SGCZ: variants seen among roughly 807,000 people sequenced by gnomAD.
SGCZ encodes zeta-sarcoglycan.
In SGCZ, 40 loss-of-function variants were observed where a neutral mutation model predicts 41.3. The observed-to-expected ratio is 0.97, with a 90% CI of 0.75 to 1.26. The LOEUF is 1.26. Ranked by LOEUF, SGCZ falls within the 50% of genes most tolerant of loss-of-function variation. The probability of loss-of-function intolerance (pLI) is 0.00; values close to 1 mark genes in which losing one functional copy is unlikely to be tolerated. For synonymous variants in SGCZ, 206 were observed against 137.5 expected, an observed-to-expected ratio of 1.50 and a Z score of -3.49; for missense variants, 552 against 369.8, an observed-to-expected ratio of 1.49 and a Z score of -4.04.
At chr8:14,323,431 CA>C (rs1801996204) in intron 3 of SGCZ, among the ~76,000 whole-genome samples, 1 of 151,926 alleles carries the variant, frequency 6.6e-6, no homozygotes, top group Non-Finnish European at 1.5e-5. Context: ...AAAAATATCT[CA>C]GGGGGAATGT....
intron 3 of SGCZ, among the ~76,000 whole-genome samples, chr8:14,270,815 T>A (rs886098684): frequency 6.6e-6 from 1 of 152,132 alleles, no homozygotes; most frequent in East Asian, 1.9e-4. Flanking sequence ...AACAATGATA[T>A]AGACTGGATT....
chr8:15,213,779 A>C (rs1801311956), intron 1 of SGCZ, among the ~76,000 whole-genome samples: 2 of 151,894 alleles, frequency 1.3e-5, no homozygotes, highest in Admixed American at 1.3e-4. Context: ...TGTCTTGAGA[A>C]GATGGTAAAC....
intron 4 of SGCZ, among the ~76,000 whole-genome samples, chr8:14,232,928 C>A (rs1806623421): frequency 6.6e-6 from 1 of 152,114 alleles, no homozygotes; most frequent in East Asian, 1.9e-4. Flanking sequence ...TTTTTTAATA[C>A]CCAATTCACC....
intron 2 of SGCZ, among the ~76,000 whole-genome samples, chr8:14,539,269 A>T (rs1477970210): frequency 6.6e-6 from 1 of 151,992 alleles, no homozygotes; most frequent in African/African-American, 2.4e-5. Context: ...AACCATGTGA[A>T]CCAATTCTGT....
chr8:14,279,172 T>A (rs970625170), intron 3 of SGCZ, among the ~76,000 whole-genome samples: 1 of 151,898 alleles, frequency 6.6e-6, no homozygotes, highest in African/African-American at 2.4e-5. Context: ...AGAAGCTCAA[T>A]AGGTCCCTGA....
chr8:14,992,493 G>A (rs113806419), intron 1 of SGCZ, among the ~76,000 whole-genome samples: 9 of 126,544 alleles, frequency 7.1e-5, no homozygotes, highest in African/African-American at 2.0e-4. Flanking sequence ...CCCAAAACCA[G>A]TGTTACCCTT....
intron 1 of SGCZ, among the ~76,000 whole-genome samples, chr8:14,613,067 G>C (rs548534278): frequency 4.3e-4 from 66 of 152,276 alleles, no homozygotes; most frequent in Middle Eastern, 3.4e-3. Context: ...GAGCACAAGA[G>C]GGAGGCTGCA....
intron 1 of SGCZ, among the ~76,000 whole-genome samples, chr8:14,645,829 TTTTA>T (rs1272978756): frequency 6.6e-6 from 1 of 151,712 alleles, no homozygotes; most frequent in Non-Finnish European, 1.5e-5. Flanking sequence ...TCACAGCAAA[TTTTA>T]TTTTCTTTGC....
In SGCZ at chr8:14,244,196, TTCCTTCTTCCTC is replaced by T. The variant is rs1798997658; in HGVS notation, c.337-6529_337-6518del. Among the ~76,000 whole-genome samples, 4 of 138,850 alleles carry T rather than the reference TTCCTTCTTCCTC, an allele frequency of 2.9e-5. No individual in the cohort carries two copies. In the Admixed American group the frequency reaches 2.9e-4, roughly 10 times the overall value. 91.1% of individuals were successfully genotyped at this position (138,850 alleles called of 152,430 possible). Reference sequence around the variant, plus strand: ...CTCCTCTTCCTTCTTCCTCCTCCTCTTCCTTCTTCCTCCTCTTCCTTCTTCCTCCTCCTTCTC... The same window carrying T: ...CTCCTCTTCCTTCTTCCTCCTCCTCTCTCTTCCTTCTTCCTCCTCCTTCTC... On this transcript the variant is annotated intron_variant, in intron 3 of 7. Transcript: ENST00000382080.
chr8:15,092,971 C>G lies in SGCZ; in HGVS notation c.39+144614G>C, dbSNP rs574326130. ...TCTTTTGGAAATTGTTTGCAGATCG[C>G]TGGCAGCCACATATGACAAATACAC... On this transcript the variant is annotated intron_variant, in intron 1 of 7. Transcript: ENST00000382080. Among the ~76,000 whole-genome samples the G allele has an allele frequency of 1.9e-4, 29 of 152,304 alleles. No homozygotes were observed. The South Asian group carries it at 3.9e-3, about 21-fold the overall frequency.
chr8:14,586,923 T>C (rs1347617349), intron 1 of SGCZ, among the ~76,000 whole-genome samples: 3 of 152,086 alleles, frequency 2.0e-5, no homozygotes, highest in Admixed American at 2.0e-4. Flanking sequence ...CCTAGTTAAA[T>C]TGCAAATTAT....
At position 14,915,955 on chromosome 8, in the gene SGCZ, A is replaced by G. The variant is rs551429945; in HGVS notation, c.39+321630T>C. ...TTTTTTGTAAATGTTAGCCATTTTA[A>G]CATGTGTTCCAGCAGACTGTTAAAA... On this transcript the variant is annotated intron_variant, in intron 1 of 7. Coordinates refer to ENST00000382080, the MANE Select transcript of SGCZ (RefSeq NM_139167.4). Among the ~76,000 whole-genome samples, 113 of 152,308 alleles carry G rather than the reference A, an allele frequency of 7.4e-4. 1 individual carries two copies. Among genetic ancestry groups the G allele is most frequent in the African/African-American group, 2.5e-3 (106 of 41,580 alleles).
At chr8:14,752,916 A>G (rs1049917130) in intron 1 of SGCZ, among the ~76,000 whole-genome samples, 7 of 152,186 alleles carry the variant, frequency 4.6e-5, no homozygotes, top group African/African-American at 1.7e-4. Context: ...AGTCTGAGTC[A>G]CCTATGTAAG....
At chr8:14,983,093 A>G (rs1163249665) in intron 1 of SGCZ, among the ~76,000 whole-genome samples, 1 of 152,212 alleles carries the variant, frequency 6.6e-6, no homozygotes, top group African/African-American at 2.4e-5. Flanking sequence ...ATGAGTTAAT[A>G]CATGTTAATA....
Position 14,146,890 on chromosome 8 carries a change from A to AAAAAAAAAAAAAATAAT in SGCZ, c.547+17689_547+17690insATTATTTTTTTTTTTTT, listed in dbSNP as rs1182329393. ...CCGTCTCAAAAAATAAAAATAAAAAAAATAATAATAATAATAACTACAGCA... is the reference window on the plus strand; with the variant it reads ...CCGTCTCAAAAAATAAAAATAAAAAAAAAAAAAAAAAAATAATAATAATAATAATAATAACTACAGCA... On this transcript the variant is annotated intron_variant, in intron 5 of 7. Transcript: ENST00000382080. 3.4e-5 allele frequency among the ~76,000 whole-genome samples: 4 copies of AAAAAAAAAAAAAATAAT among 116,244 alleles called. 1 individual carries two copies. The highest frequency in any genetic ancestry group is 7.2e-5 in the Non-Finnish European group (4 of 55,528). The allele number at this position is 116,244 out of a possible 152,430, so 76.3% of individuals were successfully genotyped here.
At chr8:14,383,840 T>C (rs12676434) in intron 2 of SGCZ, among the ~76,000 whole-genome samples, 12,741 of 152,064 alleles carry the variant, frequency 0.084, 675 homozygotes, top group Admixed American at 0.13. Flanking sequence ...AGCGAAGAGG[T>C]TTGAGCATTA....
At chr8:14,595,028 G>A (rs10101639) in intron 1 of SGCZ, among the ~76,000 whole-genome samples, 50,200 of 150,574 alleles carry the variant, frequency 0.33, 9,342 homozygotes, top group Admixed American at 0.41. Flanking sequence ...AAAATACTTC[G>A]TCTAATACTT....
At chr8:14,199,395 T>C (rs1377247289) in intron 4 of SGCZ, among the ~76,000 whole-genome samples, 2 of 152,166 alleles carry the variant, frequency 1.3e-5, no homozygotes, top group African/African-American at 4.8e-5. Flanking sequence ...TCAATGACAA[T>C]GCATGCCCGA....
At chr8:14,126,532 T>C (rs1802866524) in intron 5 of SGCZ, among the ~76,000 whole-genome samples, 1 of 152,334 alleles carries the variant, frequency 6.6e-6, no homozygotes, top group East Asian at 1.9e-4. Flanking sequence ...ACTTTTCCAC[T>C]GTTGGGAATG....
Sources: allele counts gnomAD v4.1 joint callset (sites outside exome capture counted in the v4.1 genomes callset), GRCh38; gene constraint gnomAD v4.1.1; transcripts MANE v1.5; gene names NCBI Gene and HGNC (gene_info 2026-07-23, HGNC 2026-07-21).